Variants in ABCG2 observed in about 807,000 individuals in gnomAD.
The protein encoded by ABCG2 is ATP binding cassette subfamily G member 2 (JR blood group), also known as broad substrate specificity ATP-binding cassette transporter ABCG2.
A neutral mutation model predicts 73.5 loss-of-function variants in ABCG2; 80 were observed. The observed-to-expected ratio is 1.09, with a 90% CI of 0.91 to 1.31. The LOEUF (loss-of-function observed/expected upper bound fraction) is 1.31, where lower values mean the gene tolerates loss of function less well. Ranked by LOEUF, ABCG2 falls within the 50% of genes most tolerant of loss-of-function variation. The pLI is 0.00. For synonymous variants in ABCG2, 269 were observed against 282.4 expected (o/e 0.95, Z 0.48); for missense variants, 796 against 786.2 (o/e 1.01, Z -0.15).
chr4:88,177,259 A>G (rs1008744249), intron 1 of ABCG2, among the ~76,000 whole-genome samples: 1 of 152,082 alleles, frequency 6.6e-6, no homozygotes, highest in Non-Finnish European at 1.5e-5. Flanking sequence ...CTGTGGTCCC[A>G]GCTACTCGGG....
chr4:88,093,947 G>A (rs1035995338), intron 15 of ABCG2, among the ~76,000 whole-genome samples: 1 of 152,046 alleles, frequency 6.6e-6, no homozygotes, highest in Non-Finnish European at 1.5e-5. Flanking sequence ...ACTTATTCAA[G>A]TGTTTCTTGT....
At chr4:88,209,357 A>C (rs559263347) in intron 1 of ABCG2, among the ~76,000 whole-genome samples, 68 of 151,646 alleles carry the variant, frequency 4.5e-4, no homozygotes, top group Non-Finnish European at 8.0e-4. Context: ...ACCAAAAAAA[A>C]CAAAATAAAT....
At chr4:88,209,613 T>G (rs1242525121) in intron 1 of ABCG2, among the ~76,000 whole-genome samples, 1 of 149,110 alleles carries the variant, frequency 6.7e-6, no homozygotes, top group Non-Finnish European at 1.5e-5. Flanking sequence ...GCTGATGTCA[T>G]GCCACTGCAC....
chr4:88,092,120 G>T lies in ABCG2; in HGVS notation c.*114C>A. 1 of 931,764 alleles carries T rather than the reference G, an allele frequency of 1.1e-6. No individual in the cohort carries two copies. The highest frequency in any genetic ancestry group is 1.6e-6 in the Non-Finnish European group (1 of 626,526). 57.7% of individuals were successfully genotyped at this position (931,764 alleles called of 1,614,324 possible). ...GTATCTCTTTAAAACAATTGCTGCT[G>T]TGCAACAGTGTGATGGCAAGGGAAC... On this transcript the variant is annotated 3_prime_UTR_variant, in exon 16 of 16. Transcript: ENST00000237612.
intron 5 of ABCG2, among the ~76,000 whole-genome samples, chr4:88,127,994 C>T (rs1350019553): frequency 6.7e-6 from 1 of 149,440 alleles, no homozygotes; most frequent in Non-Finnish European, 1.5e-5. Flanking sequence ...GAACAGGCAA[C>T]CTACAGAATG....
intron 5 of ABCG2, 101 bp from the exon 6 acceptor site, chr4:88,121,893 T>A: frequency 8.7e-7 from 1 of 1,147,258 alleles, no homozygotes; most frequent in Non-Finnish European, 1.2e-6. Flanking sequence ...TTTATCTCAT[T>A]AAGTTCATTT....
intron 1 of ABCG2, among the ~76,000 whole-genome samples, chr4:88,175,646 C>T (rs6815336): frequency 0.33 from 50,313 of 152,126 alleles, 8,903 homozygotes; most frequent in Non-Finnish European, 0.38. Context: ...GTATTTACTA[C>T]ATTGCAGTTA....
chr4:88,109,378 A>T (rs1272447296), intron 9 of ABCG2, among the ~76,000 whole-genome samples: 1 of 152,212 alleles, frequency 6.6e-6, no homozygotes, highest in Non-Finnish European at 1.5e-5. Flanking sequence ...ACTGAGTATT[A>T]TGATTAAGAT....
chr4:88,177,278 G>A (rs1193118198), intron 1 of ABCG2, among the ~76,000 whole-genome samples: 2 of 152,022 alleles, frequency 1.3e-5, no homozygotes, highest in Non-Finnish European at 2.9e-5. Flanking sequence ...GGAGGGTGAG[G>A]CAGGAGAATG....
chr4:88,227,368 C>T (rs932738811), intron 1 of ABCG2, among the ~76,000 whole-genome samples: 3 of 152,138 alleles, frequency 2.0e-5, no homozygotes, highest in Non-Finnish European at 4.4e-5. Context: ...TGTACTCCAG[C>T]TGGCCAACAA....
intron 2 of ABCG2, among the ~76,000 whole-genome samples, chr4:88,137,104 GA>G (rs1175879373): frequency 1.3e-5 from 2 of 151,396 alleles, no homozygotes; most frequent in African/African-American, 4.8e-5. Flanking sequence ...CGGAGAGAGG[GA>G]AGAACCCACC....
chr4:88,226,652 G>C (rs1730224646), intron 1 of ABCG2: 1 of 152,304 alleles, frequency 6.6e-6, no homozygotes, highest in South Asian at 2.1e-4. Context: ...GGATCTCATA[G>C]CTTGCACATG....
intron 1 of ABCG2, among the ~76,000 whole-genome samples, chr4:88,185,013 A>T (rs565359992): frequency 2.6e-5 from 4 of 152,314 alleles, no homozygotes; most frequent in Admixed American, 1.3e-4. Flanking sequence ...ATGAATCTAG[A>T]CCCCTATCTC....
At chr4:88,118,484 T>A (rs1723751457) in intron 6 of ABCG2, among the ~76,000 whole-genome samples, 1 of 152,216 alleles carries the variant, frequency 6.6e-6, no homozygotes, top group African/African-American at 2.4e-5. Flanking sequence ...CAATCTAGAA[T>A]CAACTAGAAT....
chr4:88,139,112 G>C (rs1221244324), intron 2 of ABCG2, among the ~76,000 whole-genome samples: 2 of 150,178 alleles, frequency 1.3e-5, no homozygotes, highest in Non-Finnish European at 2.9e-5. Context: ...CTGCACTCCA[G>C]CCTGGGTGAT....
intron 1 of ABCG2, among the ~76,000 whole-genome samples, chr4:88,190,277 T>G (rs1029691192): frequency 1.3e-5 from 2 of 152,174 alleles, no homozygotes; most frequent in Non-Finnish European, 2.9e-5. Flanking sequence ...CAAATAAATC[T>G]CTAGTGCTAT....
rs550834012 is a variant in ABCG2, at chr4:88,090,355, T to A, written c.*1879A>T. 7.9e-5 allele frequency: 12 copies of A among 152,252 alleles called. No individual in the cohort carries two copies. In the East Asian group the frequency reaches 1.5e-3, roughly 20 times the overall value. 9.4% of individuals were successfully genotyped at this position (152,252 alleles called of 1,614,324 possible). On this transcript the variant is annotated 3_prime_UTR_variant, in exon 16 of 16. Coordinates refer to ENST00000237612, the MANE Select transcript of ABCG2 (RefSeq NM_004827.3). ...GTATATTTTGTGTAAAAAGTATAGA[T>A]AGATATTTCTCTCTGTGTAATAAGG...
rs45497898 is a variant in ABCG2, at chr4:88,113,825, G to A, written c.944-272C>T. 9.9e-4 allele frequency among the ~76,000 whole-genome samples: 151 copies of A among 151,990 alleles called. 1 individual carries two copies. The highest frequency in any genetic ancestry group is 3.4e-3 in the African/African-American group (141 of 41,456). On this transcript the variant is annotated intron_variant, in intron 8 of 15. Coordinates refer to ENST00000237612, the MANE Select transcript of ABCG2 (RefSeq NM_004827.3). The stretch of plus-strand genomic sequence containing the variant: ...AAAATACAAAAAAAATTAGCCTGGC[G>A]TGGTGGTGCGTGCCTGTAATCCCAG...
At chr4:88,151,738 C>CAA (rs879309343) in intron 1 of ABCG2, among the ~76,000 whole-genome samples, 1 of 87,298 alleles carries the variant, frequency 1.1e-5, no homozygotes, top group Non-Finnish European at 2.4e-5. Flanking sequence ...GACTCCATCT[C>CAA]AAAAAAAAAA....
Sources: gnomAD v4.1 joint callset for allele counts (sites outside exome capture counted in the v4.1 genomes callset) on GRCh38, gnomAD v4.1.1 for gene constraint, MANE v1.5 for transcripts, NCBI Gene and HGNC (gene_info 2026-07-23, HGNC 2026-07-21) for gene names.